The following CYP7B1 variants were observed in gnomAD, a reference collection of about 807,000 sequenced individuals.
CYP7B1 encodes the protein cytochrome P450 family 7 subfamily B member 1.
CYP7B1 carries 29 observed loss-of-function variants against 42.7 expected under a neutral mutation model. The ratio of observed to expected loss-of-function variants is 0.68; its 90% confidence interval spans 0.51 to 0.93. CYP7B1 has a LOEUF of 0.93. Among genes scored for constraint, CYP7B1 ranks in the 40% least tolerant of loss-of-function variants. The pLI, the probability that CYP7B1 is intolerant of heterozygous loss-of-function variation, is 0.00. For missense variants in CYP7B1, 655 were observed against 600.5 expected, an observed-to-expected ratio of 1.09 and a Z score of -0.95; for synonymous variants, 235 against 218.2, an observed-to-expected ratio of 1.08 and a Z score of -0.68.
At position 64,678,059 on chromosome 8, in the gene CYP7B1, G is replaced by A. The variant is rs1043320414; in HGVS notation, c.123-53520C>T. Among the ~76,000 whole-genome samples the A allele has an allele frequency of 3.9e-5, 6 of 151,932 alleles. No homozygotes were observed. The East Asian group carries it at 7.7e-4, about 20-fold the overall frequency. On this transcript the variant is annotated intron_variant, in intron 1 of 5. Coordinates refer to ENST00000310193, the MANE Select transcript of CYP7B1 (RefSeq NM_004820.5). ...TCTTGCCTTATACTTAAATTCTCCC[G>A]CTCTGCCTAAACGGGCTGTCCTAAG...
chr8:64,695,261 G>A (rs1388387484), intron 1 of CYP7B1, among the ~76,000 whole-genome samples: 1 of 152,136 alleles, frequency 6.6e-6, no homozygotes, highest in Non-Finnish European at 1.5e-5. Flanking sequence ...AGAGGTCTGA[G>A]GACTGACCGG....
chr8:64,733,844 C>G (rs1342937060), intron 1 of CYP7B1, among the ~76,000 whole-genome samples: 2 of 151,962 alleles, frequency 1.3e-5, no homozygotes, highest in African/African-American at 4.8e-5. Context: ...GTGGTACATG[C>G]CTACAGTCCC....
chr8:64,714,669 A>T (rs138647836), intron 1 of CYP7B1, among the ~76,000 whole-genome samples: 1 of 152,334 alleles, frequency 6.6e-6, no homozygotes, highest in African/African-American at 2.4e-5. Flanking sequence ...AGTGATGGAC[A>T]GGTCTGGACA....
At chr8:64,769,754 T>C (rs575051290) in intron 1 of CYP7B1, among the ~76,000 whole-genome samples, 1 of 152,272 alleles carries the variant, frequency 6.6e-6, no homozygotes, top group Admixed American at 6.5e-5. Context: ...CCCTCAAATG[T>C]AATCTTCACT....
chr8:64,693,269 G>A (rs1806774767), intron 1 of CYP7B1, among the ~76,000 whole-genome samples: 1 of 152,254 alleles, frequency 6.6e-6, no homozygotes, highest in Non-Finnish European at 1.5e-5. Flanking sequence ...AAGTGTGCAT[G>A]TGTGCATGCA....
intron 1 of CYP7B1, among the ~76,000 whole-genome samples, chr8:64,639,178 T>G (rs1308876322): frequency 2.0e-5 from 3 of 152,106 alleles, no homozygotes; most frequent in Non-Finnish European, 4.4e-5. Flanking sequence ...AAATTTACCA[T>G]TTTGATAGCT....
chr8:64,721,233 A>G (rs915093733), intron 1 of CYP7B1, among the ~76,000 whole-genome samples: 2 of 152,176 alleles, frequency 1.3e-5, no homozygotes, highest in African/African-American at 4.8e-5. Flanking sequence ...TCGAAATTAC[A>G]AACAATTCTG....
At chr8:64,748,247 C>T (rs992981483) in intron 1 of CYP7B1, among the ~76,000 whole-genome samples, 36 of 152,224 alleles carry the variant, frequency 2.4e-4, no homozygotes, top group African/African-American at 8.7e-4. Flanking sequence ...AGCTCTTCAC[C>T]CTTGGGGTGT....
intron 1 of CYP7B1, among the ~76,000 whole-genome samples, chr8:64,766,876 A>C (rs1807980948): frequency 6.6e-6 from 1 of 152,062 alleles, no homozygotes; most frequent in Non-Finnish European, 1.5e-5. Context: ...CCAGGAGGTA[A>C]ACTGTCTCCT....
chr8:64,772,556 G>A (rs890952600), intron 1 of CYP7B1, among the ~76,000 whole-genome samples: 1 of 152,162 alleles, frequency 6.6e-6, no homozygotes, highest in African/African-American at 2.4e-5. Flanking sequence ...GCCAGCCTCA[G>A]TAATCATGTG....
chr8:64,762,215 A>C (rs1001619348), intron 1 of CYP7B1, among the ~76,000 whole-genome samples: 1 of 152,178 alleles, frequency 6.6e-6, no homozygotes, highest in East Asian at 1.9e-4. Flanking sequence ...AGGTAAAATG[A>C]TTATTTGTAA....
At chr8:64,677,575 T>C (rs1166698987) in intron 1 of CYP7B1, among the ~76,000 whole-genome samples, 1 of 150,832 alleles carries the variant, frequency 6.6e-6, no homozygotes, top group Non-Finnish European at 1.5e-5. Context: ...GGACAGGCCA[T>C]AAAAGCTCTA....
intron 1 of CYP7B1, among the ~76,000 whole-genome samples, chr8:64,666,657 G>C (rs1806284696): frequency 6.6e-6 from 1 of 152,210 alleles, no homozygotes; most frequent in Admixed American, 6.5e-5. Context: ...AGGTAAATGA[G>C]TAAAGTTTAT....
chr8:64,683,588 G>A (rs1186918377), intron 1 of CYP7B1, among the ~76,000 whole-genome samples: 5 of 152,158 alleles, frequency 3.3e-5, no homozygotes, highest in African/African-American at 1.2e-4. Flanking sequence ...TAAAAAGAGT[G>A]TAATTGGATT....
At chr8:64,608,950 G>A (rs16931349) in intron 4 of CYP7B1, among the ~76,000 whole-genome samples, 1,683 of 152,146 alleles carry the variant, frequency 0.011, 38 homozygotes, top group African/African-American at 0.038. Flanking sequence ...ATGTAAATTC[G>A]GCGTTCATAT....
intron 1 of CYP7B1, among the ~76,000 whole-genome samples, chr8:64,703,386 T>C (rs1264966963): frequency 6.6e-6 from 1 of 152,048 alleles, no homozygotes; most frequent in Non-Finnish European, 1.5e-5. Flanking sequence ...CTACTCTTCT[T>C]ATAAAACTGT....
At chr8:64,633,980 G>C (rs1180814851) in intron 1 of CYP7B1, among the ~76,000 whole-genome samples, 1 of 152,188 alleles carries the variant, frequency 6.6e-6, no homozygotes, top group Non-Finnish European at 1.5e-5. Context: ...TTACAAAGTA[G>C]TTGCAAAATG....
intron 1 of CYP7B1, among the ~76,000 whole-genome samples, chr8:64,635,079 T>C (rs1419750743): frequency 6.6e-6 from 1 of 152,204 alleles, no homozygotes; most frequent in Non-Finnish European, 1.5e-5. Flanking sequence ...CAGTGTCTAC[T>C]TCCTTGCCAA....
chr8:64,616,187 T>C lies in CYP7B1; in HGVS notation c.354A>G (p.Leu118=). ...GACTGATGCTAAATGCTTTCTCTAA[T>C]AATTTATTAGAAAATACTCGAAAGC... is the stretch of plus-strand genomic sequence containing the variant. ...QLSFRVFSNK[L]LEKAFSISQL... Residue 118 remains leucine, a synonymous_variant, in exon 3 of 6, where the codon TTA becomes TTG. Coordinates refer to ENST00000310193, the MANE Select transcript of CYP7B1 (RefSeq NM_004820.5). 1 of 1,612,046 alleles carries C rather than the reference T, an allele frequency of 6.2e-7. No individual in the cohort carries two copies. Among genetic ancestry groups the C allele is most frequent in the Non-Finnish European group, 8.5e-7 (1 of 1,178,938 alleles).
Sources: gnomAD v4.1 joint callset for allele counts (sites outside exome capture counted in the v4.1 genomes callset) on GRCh38, gnomAD v4.1.1 for gene constraint, MANE v1.5 for transcripts, NCBI Gene and HGNC (gene_info 2026-07-23, HGNC 2026-07-21) for gene names.